The following EDIL3 variants were observed in gnomAD, a reference collection of about 807,000 sequenced individuals.
EDIL3 encodes the protein EGF-like repeat and discoidin I-like domain-containing protein 3.
Under a neutral mutation model 67.4 loss-of-function variants are expected in EDIL3, and 37 were observed. That is an observed-to-expected ratio of 0.55 (90% confidence interval 0.42 to 0.72). The LOEUF is 0.72. EDIL3 is among the 30% of genes least tolerant of loss of function. The pLI is 0.00. For synonymous variants in EDIL3, 195 were observed against 196.3 expected (o/e 0.99, Z 0.05); for missense variants, 527 against 586.3 (o/e 0.90, Z 1.04).
chr5:84,221,542 T>C (rs1202674186), intron 3 of EDIL3, among the ~76,000 whole-genome samples: 1 of 143,244 alleles, frequency 7.0e-6, no homozygotes, highest in Non-Finnish European at 1.5e-5. Context: ...CACACACCTA[T>C]CAAAAAGGAA....
intron 1 of EDIL3, among the ~76,000 whole-genome samples, chr5:84,350,281 T>G (rs909395154): frequency 6.6e-6 from 1 of 152,086 alleles, no homozygotes; most frequent in Non-Finnish European, 1.5e-5. Flanking sequence ...TAATATTTAT[T>G]ATGAAACTTT....
intron 1 of EDIL3, among the ~76,000 whole-genome samples, chr5:84,287,768 T>C (rs549408359): frequency 6.6e-6 from 1 of 152,138 alleles, no homozygotes; most frequent in African/African-American, 2.4e-5. Flanking sequence ...TGTGAAACAT[T>C]TTCTTTACTT....
chr5:84,297,841 GA>G, intron 1 of EDIL3, among the ~76,000 whole-genome samples: 1 of 152,264 alleles, frequency 6.6e-6, no homozygotes, highest in South Asian at 2.1e-4. Flanking sequence ...GGGAGAGCAA[GA>G]AACAAGGAGC....
chr5:83,946,033 GA>G (rs1187450021), intron 10 of EDIL3, among the ~76,000 whole-genome samples: 1 of 151,944 alleles, frequency 6.6e-6, no homozygotes, highest in Non-Finnish European at 1.5e-5. Flanking sequence ...CCCTGCTTAA[GA>G]ATGCCACCTA....
chr5:84,019,622 A>G (rs1190203498), intron 9 of EDIL3, among the ~76,000 whole-genome samples: 2 of 152,170 alleles, frequency 1.3e-5, no homozygotes, highest in East Asian at 3.9e-4. Context: ...CCAAAGATCA[A>G]CCTTTCAGCC....
chr5:84,299,006 C>T (rs1467514965), intron 1 of EDIL3, among the ~76,000 whole-genome samples: 5 of 152,152 alleles, frequency 3.3e-5, no homozygotes, highest in African/African-American at 1.2e-4. Context: ...CTTTAATCTC[C>T]AGCAAAGAAG....
At chr5:84,129,686 G>A (rs1229467143) in intron 5 of EDIL3, among the ~76,000 whole-genome samples, 1 of 151,852 alleles carries the variant, frequency 6.6e-6, no homozygotes, top group Non-Finnish European at 1.5e-5. Flanking sequence ...GAATAAAATA[G>A]GATTAAAATT....
chr5:83,951,697 G>A (rs1013271845), intron 10 of EDIL3, among the ~76,000 whole-genome samples: 1 of 151,698 alleles, frequency 6.6e-6, no homozygotes, highest in Non-Finnish European at 1.5e-5. Context: ...CATTGGGAAA[G>A]AGAACTGTGT....
chr5:84,222,788 T>C (rs1184640656), intron 3 of EDIL3, among the ~76,000 whole-genome samples: 1 of 151,654 alleles, frequency 6.6e-6, no homozygotes, highest in African/African-American at 2.4e-5. Context: ...TCTAGAGAAA[T>C]GTCTATTCAG....
intron 1 of EDIL3, among the ~76,000 whole-genome samples, chr5:84,300,479 C>T (rs1419044666): frequency 1.3e-5 from 2 of 152,110 alleles, no homozygotes; most frequent in African/African-American, 2.4e-5. Context: ...TTTAAAAGAC[C>T]ATTATTCTGC....
intron 10 of EDIL3, among the ~76,000 whole-genome samples, chr5:83,961,940 G>A (rs1744613041): frequency 1.3e-5 from 2 of 151,358 alleles, no homozygotes; most frequent in African/African-American, 4.8e-5. Flanking sequence ...CAATTTCTAA[G>A]ATGTTAACAT....
intron 6 of EDIL3, among the ~76,000 whole-genome samples, chr5:84,075,186 C>A (rs1191359228): frequency 6.8e-6 from 1 of 147,484 alleles, no homozygotes; most frequent in Admixed American, 6.8e-5. Flanking sequence ...GCATCACACT[C>A]TGGGTACTGT....
intron 9 of EDIL3, among the ~76,000 whole-genome samples, chr5:84,007,190 A>T (rs1192037333): frequency 6.6e-6 from 1 of 152,130 alleles, no homozygotes; most frequent in East Asian, 1.9e-4. Context: ...CTAAAAGCAA[A>T]TATTGGGAAA....
At chr5:84,083,581 C>T (rs1238612209) in intron 6 of EDIL3, among the ~76,000 whole-genome samples, 1 of 152,060 alleles carries the variant, frequency 6.6e-6, no homozygotes, top group East Asian at 1.9e-4. Context: ...AGGGTACTAG[C>T]TAACATAACC....
intron 8 of EDIL3, among the ~76,000 whole-genome samples, chr5:84,063,902 C>A (rs1246516804): frequency 6.6e-6 from 1 of 151,998 alleles, no homozygotes; most frequent in Admixed American, 6.6e-5. Flanking sequence ...AATTGTGATG[C>A]CAGAAATGTA....
chr5:84,264,872 T>C (rs1432582739), intron 1 of EDIL3, among the ~76,000 whole-genome samples: 1 of 152,146 alleles, frequency 6.6e-6, no homozygotes, highest in Non-Finnish European at 1.5e-5. Flanking sequence ...AAAGATGAAA[T>C]TCAGTGCCAC....
chr5:84,212,164 G>C (rs1306601890), intron 3 of EDIL3, among the ~76,000 whole-genome samples: 4 of 152,128 alleles, frequency 2.6e-5, no homozygotes, highest in African/African-American at 9.6e-5. Flanking sequence ...TCTGTCTTCA[G>C]CATTGCTGGA....
chr5:84,164,529 A>G (rs1351532952), intron 4 of EDIL3, among the ~76,000 whole-genome samples: 1 of 152,082 alleles, frequency 6.6e-6, no homozygotes, highest in African/African-American at 2.4e-5. Context: ...AGTAGTGGTA[A>G]ATAACCCCAA....
intron 9 of EDIL3, among the ~76,000 whole-genome samples, chr5:84,056,004 T>A (rs1028775136): frequency 1.3e-5 from 2 of 152,130 alleles, no homozygotes; most frequent in Non-Finnish European, 2.9e-5. Context: ...TAAAGACACA[T>A]GCACACGTAT....
Sources: gnomAD v4.1 joint callset for allele counts (sites outside exome capture counted in the v4.1 genomes callset) on GRCh38, gnomAD v4.1.1 for gene constraint, MANE v1.5 for transcripts, NCBI Gene and HGNC (gene_info 2026-07-23, HGNC 2026-07-21) for gene names.